The following ANKS1B variants were observed in gnomAD, a reference collection of about 807,000 sequenced individuals.
The protein encoded by ANKS1B is ankyrin repeat and sterile alpha motif domain containing 1B.
In ANKS1B, 36 loss-of-function variants were observed where a neutral mutation model predicts 148.3. That is an observed-to-expected ratio of 0.24 (90% CI 0.19 to 0.32). ANKS1B has a LOEUF of 0.32. Among genes scored for constraint, ANKS1B ranks in the 10% least tolerant of loss-of-function variants. The probability of loss-of-function intolerance (pLI) is 1.00; values close to 1 mark genes in which losing one functional copy is unlikely to be tolerated. For missense variants in ANKS1B, 1,157 were observed against 1,542.6 expected, an observed-to-expected ratio of 0.75 and a Z score of 4.19; for synonymous variants, 542 against 560.8, an observed-to-expected ratio of 0.97 and a Z score of 0.47.
chr12:99,816,389 T>C (rs891308130), intron 2 of ANKS1B, among the ~76,000 whole-genome samples: 3 of 151,746 alleles, frequency 2.0e-5, no homozygotes, highest in South Asian at 2.1e-4. Flanking sequence ...TTCTGGATAC[T>C]AGCCCTAATT....
intron 17 of ANKS1B, among the ~76,000 whole-genome samples, chr12:99,027,227 A>G (rs1235580049): frequency 1.3e-5 from 2 of 152,256 alleles, no homozygotes; most frequent in African/African-American, 4.8e-5. Context: ...GCATTTCTAC[A>G]TAATTTCCCA....
At chr12:98,788,976 T>C (rs2098822562) in intron 22 of ANKS1B, among the ~76,000 whole-genome samples, 1 of 152,202 alleles carries the variant, frequency 6.6e-6, no homozygotes, top group Non-Finnish European at 1.5e-5. Context: ...TCTCAGGGAC[T>C]GTGAATGGAT....
At chr12:98,973,892 G>A (rs1478875097) in intron 17 of ANKS1B, among the ~76,000 whole-genome samples, 1 of 149,240 alleles carries the variant, frequency 6.7e-6, no homozygotes, top group Non-Finnish European at 1.5e-5. Flanking sequence ...GATATGTATA[G>A]ATACATATCA....
chr12:99,246,594 T>C lies in ANKS1B; in HGVS notation c.2027A>G (p.Lys676Arg), dbSNP rs750300191. 2 of 1,613,474 alleles carry C rather than the reference T, an allele frequency of 1.2e-6. No individual in the cohort carries two copies. The highest frequency in any genetic ancestry group is 1.1e-5 in the South Asian group (1 of 91,064). Residue 676 changes from lysine to arginine, a missense_variant, in exon 13 of 27, where the codon AAA (lysine) becomes AGA (arginine). This residue lies in a region of ANKS1B where 661 missense variants were observed against 642.1 expected (regional missense o/e 1.03). Coordinates refer to ENST00000683438, the MANE Select transcript of ANKS1B (RefSeq NM_001352186.2). ...ATGGTTTTCGAGTTGGTTGCTTTTT[T>C]TGTGAAAAATTGTTCTACTGACCAC... is the stretch of plus-strand genomic sequence containing the variant. ...PKVVSRTIFHKKSNQLENHTI... is the reference protein window; with the variant it reads ...PKVVSRTIFHRKSNQLENHTI...
chr12:99,883,338 AAAAC>A (rs34427759), intron 1 of ANKS1B, among the ~76,000 whole-genome samples: 3 of 151,986 alleles, frequency 2.0e-5, no homozygotes, highest in Admixed American at 6.6e-5. Flanking sequence ...TCGAAGCAAA[AAAAC>A]AAACAAACAA....
At chr12:99,951,784 G>A (rs1221811912) in intron 1 of ANKS1B, among the ~76,000 whole-genome samples, 1 of 152,128 alleles carries the variant, frequency 6.6e-6, no homozygotes, top group East Asian at 1.9e-4. Flanking sequence ...TAACTCAGGA[G>A]GCTGAGCCGG....
At chr12:99,671,008 TAGAA>T (rs2098535467) in intron 8 of ANKS1B, among the ~76,000 whole-genome samples, 3 of 152,174 alleles carry the variant, frequency 2.0e-5, no homozygotes, top group Non-Finnish European at 1.5e-5. Context: ...GATCAAAAAA[TAGAA>T]AGCTTCTACG....
intron 15 of ANKS1B, among the ~76,000 whole-genome samples, chr12:99,091,950 G>C (rs982380701): frequency 1.3e-5 from 2 of 152,174 alleles, no homozygotes; most frequent in Non-Finnish European, 2.9e-5. Flanking sequence ...TTTTACTTCA[G>C]AGTCATCTGA....
chr12:99,504,422 C>T, intron 10 of ANKS1B, 54 bp downstream of exon 10: 1 of 1,559,806 alleles, frequency 6.4e-7, no homozygotes, highest in Non-Finnish European at 8.7e-7. Context: ...GATGCATCTT[C>T]ATATGAATAA....
chr12:99,721,660 T>C (rs982621437), intron 8 of ANKS1B, among the ~76,000 whole-genome samples: 1 of 152,218 alleles, frequency 6.6e-6, no homozygotes, highest in Admixed American at 6.5e-5. Context: ...GGACTCAGCC[T>C]GCCTGCACCC....
At chr12:98,880,615 A>G (rs1185715753) in intron 17 of ANKS1B, among the ~76,000 whole-genome samples, 1 of 151,972 alleles carries the variant, frequency 6.6e-6, no homozygotes, top group Non-Finnish European at 1.5e-5. Flanking sequence ...AAATACAAAA[A>G]AAGTTAGCTG....
chr12:99,492,748 C>T (rs572633885), intron 10 of ANKS1B, among the ~76,000 whole-genome samples: 29 of 152,290 alleles, frequency 1.9e-4, no homozygotes, highest in South Asian at 8.3e-4. Context: ...GTTCAACATA[C>T]ACAAATCAAT....
intron 15 of ANKS1B, among the ~76,000 whole-genome samples, chr12:99,119,105 C>T (rs969423713): frequency 2.0e-5 from 3 of 152,136 alleles, no homozygotes; most frequent in African/African-American, 7.2e-5. Flanking sequence ...TTGTGATTAA[C>T]TTAAGGATCC....
At chr12:99,182,832 T>G (rs1293752631) in intron 14 of ANKS1B, among the ~76,000 whole-genome samples, 5 of 152,198 alleles carry the variant, frequency 3.3e-5, no homozygotes, top group Non-Finnish European at 5.9e-5. Context: ...TATTATTGCT[T>G]GTCTTTTGGA....
intron 10 of ANKS1B, among the ~76,000 whole-genome samples, chr12:99,457,167 T>C (rs999655802): frequency 6.6e-6 from 1 of 151,932 alleles, no homozygotes; most frequent in Non-Finnish European, 1.5e-5. Flanking sequence ...CTAAGCTGCA[T>C]AAATGAAAAA....
chr12:99,551,358 C>T (rs1038082898), intron 9 of ANKS1B, among the ~76,000 whole-genome samples: 1 of 152,060 alleles, frequency 6.6e-6, no homozygotes, highest in Non-Finnish European at 1.5e-5. Context: ...CATCTAATTT[C>T]TAGCTATGTC....
At chr12:99,749,164 T>C (rs1468478862) in intron 8 of ANKS1B, among the ~76,000 whole-genome samples, 5 of 152,116 alleles carry the variant, frequency 3.3e-5, no homozygotes, top group African/African-American at 7.2e-5. Context: ...CTACCTCCTA[T>C]AAGCTTTGAC....
chr12:99,014,702 G>A (rs2099941364), intron 17 of ANKS1B, among the ~76,000 whole-genome samples: 1 of 152,108 alleles, frequency 6.6e-6, no homozygotes, highest in Admixed American at 6.5e-5. Flanking sequence ...TCCATAAAAA[G>A]TGGGCAAAGG....
At chr12:98,854,337 GT>G (rs1339496567) in intron 17 of ANKS1B, among the ~76,000 whole-genome samples, 7 of 152,210 alleles carry the variant, frequency 4.6e-5, no homozygotes, top group African/African-American at 1.7e-4. Context: ...GGCATGGGAA[GT>G]TTTGGAAATG....
Sources: gnomAD v4.1 joint callset for allele counts (sites outside exome capture counted in the v4.1 genomes callset) on GRCh38, gnomAD v4.1.1 for gene constraint, gnomAD v4.1.1 regional missense constraint, MANE v1.5 for transcripts, NCBI Gene and HGNC (gene_info 2026-07-23, HGNC 2026-07-21) for gene names.